CCDC178: variants seen among roughly 807,000 people sequenced by gnomAD.
CCDC178 encodes coiled-coil domain containing 178.
CCDC178 carries 126 observed loss-of-function variants against 117.4 expected under a neutral mutation model. The observed-to-expected ratio is 1.07, with a 90% CI of 0.93 to 1.24. The LOEUF (loss-of-function observed/expected upper bound fraction) is 1.24. Among genes scored for constraint, CCDC178 ranks in the 50% most tolerant of loss-of-function variants. The pLI, the probability that CCDC178 is intolerant of heterozygous loss-of-function variation, is 0.00. For synonymous variants in CCDC178, 283 were observed against 313.4 expected, an observed-to-expected ratio of 0.90 and a Z score of 1.02; for missense variants, 1,030 against 986.9, an observed-to-expected ratio of 1.04 and a Z score of -0.59.
At chr18:33,418,563 A>G (rs1408033831) in intron 2 of CCDC178, among the ~76,000 whole-genome samples, 1 of 150,776 alleles carries the variant, frequency 6.6e-6, no homozygotes, top group African/African-American at 2.4e-5. Context: ...GTTTGCAGAC[A>G]ATACATTTCT....
At chr18:33,053,538 T>C (rs1437719301) in intron 21 of CCDC178, among the ~76,000 whole-genome samples, 1 of 152,138 alleles carries the variant, frequency 6.6e-6, no homozygotes, top group South Asian at 2.1e-4. Context: ...GGCAAGTAAC[T>C]CCAAAATAAG....
intron 5 of CCDC178, among the ~76,000 whole-genome samples, chr18:33,374,053 A>G (rs556689366): frequency 5.8e-4 from 88 of 152,330 alleles, no homozygotes; most frequent in Admixed American, 1.0e-3. Context: ...GCTCTCTGCC[A>G]AGGGACAGTT....
At chr18:33,093,160 A>C (rs2057493384) in intron 20 of CCDC178, among the ~76,000 whole-genome samples, 1 of 151,942 alleles carries the variant, frequency 6.6e-6, no homozygotes, top group Admixed American at 6.6e-5. Context: ...AGTTAGTCTG[A>C]CTTTTAATTC....
intron 2 of CCDC178, among the ~76,000 whole-genome samples, chr18:33,426,829 A>G (rs926596146): frequency 2.0e-5 from 3 of 152,166 alleles, no homozygotes; most frequent in Admixed American, 2.0e-4. Flanking sequence ...AGAGTATAAA[A>G]TTATTTAATT....
intron 6 of CCDC178, among the ~76,000 whole-genome samples, chr18:33,364,402 T>C (rs553048385): frequency 6.6e-6 from 1 of 152,136 alleles, no homozygotes; most frequent in South Asian, 2.1e-4. Context: ...AGATACTAAA[T>C]ATAGACAACT....
At chr18:33,393,974 C>T (rs1432263777) in intron 4 of CCDC178, among the ~76,000 whole-genome samples, 1 of 151,948 alleles carries the variant, frequency 6.6e-6, no homozygotes, top group Non-Finnish European at 1.5e-5. Flanking sequence ...ACTTCAAATT[C>T]AACTTTATAT....
intron 20 of CCDC178, among the ~76,000 whole-genome samples, chr18:33,167,769 A>T (rs2058550749): frequency 6.6e-6 from 1 of 152,046 alleles, no homozygotes; most frequent in Non-Finnish European, 1.5e-5. Context: ...TGAGAGGCTG[A>T]GAGAGGAGAA....
At chr18:32,972,297 T>G (rs541700889) in intron 22 of CCDC178, among the ~76,000 whole-genome samples, 72 of 152,286 alleles carry the variant, frequency 4.7e-4, no homozygotes, top group Non-Finnish European at 7.9e-4. Flanking sequence ...ATTGCTTGTT[T>G]TTCTGAGGTT....
At chr18:33,191,946 A>G (rs2058863354) in intron 20 of CCDC178, among the ~76,000 whole-genome samples, 1 of 152,224 alleles carries the variant, frequency 6.6e-6, no homozygotes, top group South Asian at 2.1e-4. Flanking sequence ...AGAAATTAGT[A>G]ATACATTAAA....
At chr18:33,233,310 C>T (rs550136344) in intron 15 of CCDC178, among the ~76,000 whole-genome samples, 1 of 152,196 alleles carries the variant, frequency 6.6e-6, no homozygotes, top group South Asian at 2.1e-4. Flanking sequence ...GATACTTGAG[C>T]ACCTATGAGT....
intron 14 of CCDC178, among the ~76,000 whole-genome samples, chr18:33,263,667 TACAG>T (rs2059778525): frequency 6.6e-6 from 1 of 152,156 alleles, no homozygotes; most frequent in Non-Finnish European, 1.5e-5. Context: ...ACAAACGTGT[TACAG>T]ACAGAGTGCT....
intron 21 of CCDC178, among the ~76,000 whole-genome samples, chr18:33,021,286 T>C (rs1003948819): frequency 3.3e-5 from 5 of 152,238 alleles, no homozygotes; most frequent in African/African-American, 9.6e-5. Flanking sequence ...ATGGCATGAC[T>C]GTTTCTTTCA....
At chr18:33,059,849 T>C (rs2056894041) in intron 21 of CCDC178, among the ~76,000 whole-genome samples, 1 of 152,198 alleles carries the variant, frequency 6.6e-6, no homozygotes, top group Non-Finnish European at 1.5e-5. Context: ...AATGTTTCAA[T>C]GTCTTCCCAT....
At position 33,299,360 on chromosome 18, in the gene CCDC178, T is replaced by A. The variant is rs370833155; in HGVS notation, c.1023-6048A>T. 1.9e-4 allele frequency among the ~76,000 whole-genome samples: 29 copies of A among 152,108 alleles called. 1 individual carries two copies. The highest frequency in any genetic ancestry group is 6.7e-4 in the African/African-American group (28 of 41,496). On this transcript the variant is annotated intron_variant, in intron 11 of 22. Transcript: ENST00000383096. ...AGAATACACTTTGGGGAAATGACAG[T>A]CTCTTCAATAAATGGTTCTGAAAAA...
intron 21 of CCDC178, among the ~76,000 whole-genome samples, chr18:33,052,026 G>A (rs916642160): frequency 6.6e-6 from 1 of 152,174 alleles, no homozygotes; most frequent in Non-Finnish European, 1.5e-5. Context: ...TATGCTTTTA[G>A]ATGGGATGCT....
chr18:33,036,730 G>A (rs1481389669), intron 21 of CCDC178, among the ~76,000 whole-genome samples: 1 of 151,940 alleles, frequency 6.6e-6, no homozygotes, highest in African/African-American at 2.4e-5. Flanking sequence ...GCAGAGGCCA[G>A]ATGATTGGGA....
intron 7 of CCDC178, among the ~76,000 whole-genome samples, chr18:33,353,704 A>T (rs1017799205): frequency 1.3e-5 from 2 of 152,036 alleles, no homozygotes; most frequent in African/African-American, 2.4e-5. Flanking sequence ...TCTTTCTCTT[A>T]TGGTGTCAAT....
chr18:33,320,418 C>A (rs1162912570), intron 11 of CCDC178, among the ~76,000 whole-genome samples: 1 of 152,074 alleles, frequency 6.6e-6, no homozygotes, highest in Middle Eastern at 3.2e-3. Flanking sequence ...AATCAATGTA[C>A]AAAAATCACA....
At chr18:32,951,612 G>A (rs1193303625) in intron 22 of CCDC178, among the ~76,000 whole-genome samples, 1 of 152,068 alleles carries the variant, frequency 6.6e-6, no homozygotes, top group Admixed American at 6.6e-5. Flanking sequence ...GATTTGGGTG[G>A]GGCACCAAGC....
Sources: gnomAD v4.1 joint callset for allele counts (sites outside exome capture counted in the v4.1 genomes callset) on GRCh38, gnomAD v4.1.1 for gene constraint, MANE v1.5 for transcripts, NCBI Gene and HGNC (gene_info 2026-07-23, HGNC 2026-07-21) for gene names.